Variants in CPEB3 observed in about 807,000 individuals in gnomAD.
CPEB3 encodes the protein cytoplasmic polyadenylation element-binding protein 3.
In CPEB3, 20 loss-of-function variants were observed where a neutral mutation model predicts 67.2. The ratio of observed to expected loss-of-function variants is 0.30; its 90% CI spans 0.21 to 0.43. The LOEUF (loss-of-function observed/expected upper bound fraction) is 0.43, where lower values mean the gene tolerates loss of function less well. CPEB3 is among the 20% of genes least tolerant of loss of function. The pLI is 1.00. For missense variants in CPEB3, 746 were observed against 968.6 expected (o/e 0.77, Z 3.05); for synonymous variants, 376 against 393.1 (o/e 0.96, Z 0.51).
intron 2 of CPEB3, among the ~76,000 whole-genome samples, chr10:92,231,175 T>C (rs1851250502): frequency 6.6e-6 from 1 of 152,186 alleles, no homozygotes; most frequent in African/African-American, 2.4e-5. Context: ...ATATACTCCC[T>C]AGTCTTCGGA....
intron 4 of CPEB3, among the ~76,000 whole-genome samples, chr10:92,159,479 C>G (rs1246891738): frequency 6.6e-6 from 1 of 152,056 alleles, no homozygotes; most frequent in Non-Finnish European, 1.5e-5. Context: ...TGAGACCATC[C>G]TGGCCAACAT....
chr10:92,272,853 A>G (rs1167037045), intron 1 of CPEB3, among the ~76,000 whole-genome samples: 1 of 152,196 alleles, frequency 6.6e-6, no homozygotes, highest in African/African-American at 2.4e-5. Flanking sequence ...TTCATTACTT[A>G]AAAGGTCATT....
chr10:92,282,676 T>A (rs2135089977), intron 1 of CPEB3, among the ~76,000 whole-genome samples: 1 of 149,536 alleles, frequency 6.7e-6, no homozygotes, highest in African/African-American at 2.5e-5. Flanking sequence ...CAGAGCAAGA[T>A]CCCATCTCAA....
intron 6 of CPEB3, among the ~76,000 whole-genome samples, chr10:92,123,697 G>A (rs138467722): frequency 6.6e-6 from 1 of 152,286 alleles, no homozygotes; most frequent in Non-Finnish European, 1.5e-5. Flanking sequence ...TGAAGCTTTA[G>A]TCTGGCCTTG....
At chr10:92,213,765 A>G (rs1176578512) in intron 2 of CPEB3, among the ~76,000 whole-genome samples, 5 of 152,154 alleles carry the variant, frequency 3.3e-5, no homozygotes, top group Non-Finnish European at 5.9e-5. Flanking sequence ...GTAGAACACT[A>G]TGTTAAAGCC....
chr10:92,220,826 C>T (rs1193742713), intron 2 of CPEB3, among the ~76,000 whole-genome samples: 1 of 152,198 alleles, frequency 6.6e-6, no homozygotes, highest in Non-Finnish European at 1.5e-5. Context: ...CCATTCTAGC[C>T]TGTAAGTAGT....
intron 4 of CPEB3, among the ~76,000 whole-genome samples, chr10:92,157,560 A>T (rs1847264085): frequency 6.6e-6 from 1 of 152,108 alleles, no homozygotes; most frequent in Non-Finnish European, 1.5e-5. Flanking sequence ...TAGACTTTGG[A>T]AGGGGTCCAA....
chr10:92,129,986 A>T (rs528634293), intron 6 of CPEB3, among the ~76,000 whole-genome samples: 12 of 152,282 alleles, frequency 7.9e-5, no homozygotes, highest in Non-Finnish European at 1.2e-4. Flanking sequence ...GCAGTGAGCC[A>T]TGATTGTACT....
At chr10:92,087,508 G>C (rs1343996245) in intron 8 of CPEB3, among the ~76,000 whole-genome samples, 1 of 152,194 alleles carries the variant, frequency 6.6e-6, no homozygotes, top group Non-Finnish European at 1.5e-5. Flanking sequence ...CTTCTAATGA[G>C]AAAGACTGAA....
intron 6 of CPEB3, among the ~76,000 whole-genome samples, chr10:92,122,143 A>G (rs951256406): frequency 6.6e-6 from 1 of 152,196 alleles, no homozygotes; most frequent in Non-Finnish European, 1.5e-5. Flanking sequence ...CATTAAAAGC[A>G]CTATGTTGGA....
Position 92,239,555 on chromosome 10 carries a change from G to A in CPEB3, c.796C>T (p.Arg266Trp), listed in dbSNP as rs753701320. The change falls in exon 2 of 10, where the codon CGG becomes TGG. Residue 266 changes from arginine (R) to tryptophan (W), a missense_variant. By Grantham distance (101) the Arg-to-Trp change is moderately radical. Coordinates refer to ENST00000265997, the MANE Select transcript of CPEB3 (RefSeq NM_014912.5). This position sits in a 1 kb window ranked among gnomAD's most constrained non-coding sequence, Gnocchi z 6.0. ...ACACCGACCGCCCGGCGAGGGTCCC[G>A]GCCCGCCTGCAGGCCGCCCCAGGGG... ...SNPWGGLQAG[R>W]DPRRAVGVGV... The A allele has an allele frequency of 1.3e-6, 2 of 1,555,882 alleles. No homozygotes were observed. The highest frequency in any genetic ancestry group is 1.7e-6 in the Non-Finnish European group (2 of 1,149,176).
At chr10:92,270,047 A>C (rs975013172) in intron 1 of CPEB3, among the ~76,000 whole-genome samples, 2 of 151,800 alleles carry the variant, frequency 1.3e-5, no homozygotes, top group East Asian at 1.9e-4. Flanking sequence ...GTGGGGGGGA[A>C]GGTAAGAGGA....
chr10:92,165,061 G>A (rs1305859769), intron 4 of CPEB3, among the ~76,000 whole-genome samples: 8 of 152,136 alleles, frequency 5.3e-5, no homozygotes, highest in Non-Finnish European at 7.4e-5. Context: ...ATTTCCTAGC[G>A]CATACAAGTT....
chr10:92,267,323 C>T (rs1474981663), intron 1 of CPEB3, among the ~76,000 whole-genome samples: 2 of 152,040 alleles, frequency 1.3e-5, no homozygotes, highest in African/African-American at 2.4e-5. Context: ...TTAGTTTTGG[C>T]AGTATAAAAA....
intron 4 of CPEB3, among the ~76,000 whole-genome samples, chr10:92,176,663 G>T (rs12241934): frequency 1.3e-5 from 2 of 152,196 alleles, no homozygotes; most frequent in Non-Finnish European, 2.9e-5. Context: ...GAACTGACCA[G>T]TCAAATGGAG....
intron 2 of CPEB3, among the ~76,000 whole-genome samples, chr10:92,231,732 CTTTTT>C (rs879454124): frequency 3.3e-5 from 5 of 151,930 alleles, no homozygotes; most frequent in East Asian, 3.9e-4. Context: ...CTTTTCTTTT[CTTTTT>C]AAGACAGAGT....
intron 6 of CPEB3, chr10:92,136,923 A>G: frequency 5.8e-6 from 1 of 171,948 alleles, no homozygotes; most frequent in Non-Finnish European, 1.3e-5. Context: ...GGCATCATTG[A>G]GAGAAACTGA....
intron 1 of CPEB3, among the ~76,000 whole-genome samples, chr10:92,242,773 A>T (rs1251689744): frequency 1.3e-5 from 2 of 152,194 alleles, no homozygotes; most frequent in Non-Finnish European, 2.9e-5. Flanking sequence ...ATGTTAACAT[A>T]TTCATTGAAT....
At chr10:92,274,125 T>C (rs1031750498) in intron 1 of CPEB3, among the ~76,000 whole-genome samples, 2 of 152,208 alleles carry the variant, frequency 1.3e-5, no homozygotes, top group Non-Finnish European at 2.9e-5. Context: ...ATTTTTCCAA[T>C]GTTCGATTTT....
Sources: allele counts gnomAD v4.1 joint callset (sites outside exome capture counted in the v4.1 genomes callset), GRCh38; gene constraint gnomAD v4.1.1; non-coding constraint Gnocchi (gnomAD v3.1); transcripts MANE v1.5; gene names NCBI Gene and HGNC (gene_info 2026-07-23, HGNC 2026-07-21).